The following PDE1A variants were observed in gnomAD, a reference collection of about 807,000 sequenced individuals.
PDE1A encodes dual specificity calcium/calmodulin-dependent 3',5'-cyclic nucleotide phosphodiesterase 1A.
Under a neutral mutation model 61.7 loss-of-function variants are expected in PDE1A, and 35 were observed. The observed-to-expected ratio is 0.57, with a 90% CI of 0.43 to 0.75. The LOEUF is 0.75. Ranked by LOEUF, PDE1A falls within the 30% of genes least tolerant of loss-of-function variation. The pLI is 0.00. For synonymous variants in PDE1A, 232 were observed against 213.2 expected (o/e 1.09, Z -0.77); for missense variants, 597 against 630.6 (o/e 0.95, Z 0.57).
At chr2:182,354,674 G>T (rs1216034998) in intron 1 of PDE1A, among the ~76,000 whole-genome samples, 1 of 152,100 alleles carries the variant, frequency 6.6e-6, no homozygotes, top group Non-Finnish European at 1.5e-5. Context: ...GTTTTTGATG[G>T]ATAAAGGGGA....
chr2:182,173,497 G>T (rs1692432058), intron 13 of PDE1A, among the ~76,000 whole-genome samples: 1 of 151,790 alleles, frequency 6.6e-6, no homozygotes, highest in Non-Finnish European at 1.5e-5. Context: ...TATAGAACAT[G>T]ATCTGAAGAC....
chr2:182,658,072 A>AAG, the PDE1A span, among the ~76,000 whole-genome samples: 1 of 68,170 alleles, frequency 1.5e-5, no homozygotes, highest in Non-Finnish European at 3.6e-5. Context: ...AAAAAAAAAA[A>AAG]CAAAAAAACT....
In PDE1A at chr2:182,185,874, C is replaced by T. The variant is rs1161402022; in HGVS notation, c.1516+18G>A. ...AAGACAGAGAGAGATGGCAGTAAGGCCTCATAAACAACACTACCTTGTGCA... is the reference window on the plus strand; with the variant it reads ...AAGACAGAGAGAGATGGCAGTAAGGTCTCATAAACAACACTACCTTGTGCA... On this transcript the variant is annotated intron_variant, in intron 13 of 13. Transcript: ENST00000351439. 2 of 1,613,326 alleles carry T rather than the reference C, an allele frequency of 1.2e-6. No individual in the cohort carries two copies. Among genetic ancestry groups the T allele is most frequent in the South Asian group, 2.2e-5 (2 of 91,070 alleles).
the PDE1A span, among the ~76,000 whole-genome samples, chr2:182,608,644 G>T: frequency 1.3e-5 from 2 of 152,220 alleles, no homozygotes; most frequent in East Asian, 3.9e-4. Flanking sequence ...CTCCCCACAG[G>T]GCAGGGCTCG....
rs531280840 is a variant in PDE1A, at chr2:182,398,300, C to T, written c.53+28278G>A. On this transcript the variant is annotated intron_variant, in intron 1 of 13. Transcript: ENST00000351439. ...CATGAATTACAACGCAAACTGTCAA[C>T]GTTAAATATACAACTACTGATCTCT... is the stretch of plus-strand genomic sequence containing the variant. 1.1e-4 allele frequency among the ~76,000 whole-genome samples: 17 copies of T among 151,682 alleles called. No individual in the cohort carries two copies. In the South Asian group the frequency reaches 2.1e-3, roughly 19 times the overall value.
intron 13 of PDE1A, among the ~76,000 whole-genome samples, chr2:182,173,140 G>C (rs531793703): frequency 9.9e-5 from 15 of 151,962 alleles, no homozygotes; most frequent in Non-Finnish European, 1.6e-4. Context: ...GGTATTTCCT[G>C]CTCTTCCCCT....
At chr2:182,290,890 A>T (rs566013666) in intron 1 of PDE1A, among the ~76,000 whole-genome samples, 1 of 151,728 alleles carries the variant, frequency 6.6e-6, no homozygotes, top group Non-Finnish European at 1.5e-5. Context: ...CTTTCCCCCA[A>T]ATCTGCTCTT....
At chr2:182,292,070 C>T (rs982475954) in intron 1 of PDE1A, among the ~76,000 whole-genome samples, 1 of 151,906 alleles carries the variant, frequency 6.6e-6, no homozygotes, top group African/African-American at 2.4e-5. Context: ...GTATTGCCAA[C>T]TTGGAAATAA....
At chr2:182,386,611 G>A (rs1701107416) in intron 1 of PDE1A, among the ~76,000 whole-genome samples, 1 of 150,310 alleles carries the variant, frequency 6.7e-6, no homozygotes, top group Admixed American at 6.6e-5. Flanking sequence ...CCGCCCAGCA[G>A]CCGCCCCATC....
At chr2:182,432,681 G>A (rs946209363) in intron 2 of PDE1A, among the ~76,000 whole-genome samples, 2 of 151,982 alleles carry the variant, frequency 1.3e-5, no homozygotes, top group Non-Finnish European at 2.9e-5. Context: ...TGTTAAATGT[G>A]TAATCTTTCA....
chr2:182,655,616 G>A, the PDE1A span, among the ~76,000 whole-genome samples: 3 of 152,168 alleles, frequency 2.0e-5, no homozygotes, highest in Admixed American at 6.5e-5. Context: ...AATGAGAGAA[G>A]GAAGGAAAAC....
At chr2:182,334,972 T>A (rs1697691481) in intron 1 of PDE1A, among the ~76,000 whole-genome samples, 1 of 152,142 alleles carries the variant, frequency 6.6e-6, no homozygotes, top group Admixed American at 6.5e-5. Context: ...AGCATTCCTA[T>A]ACACAAATAA....
intron 1 of PDE1A, among the ~76,000 whole-genome samples, chr2:182,293,355 A>T (rs1438068): frequency 0.28 from 41,785 of 151,760 alleles, 5,814 homozygotes; most frequent in Middle Eastern, 0.39. Context: ...CTTTGATTTT[A>T]AAAAAAATCT....
the PDE1A span, among the ~76,000 whole-genome samples, chr2:182,588,093 G>A: frequency 6.6e-6 from 1 of 152,180 alleles, no homozygotes; most frequent in Non-Finnish European, 1.5e-5. Context: ...TGGTAGCATT[G>A]CTTTGCAATT....
At chr2:182,346,820 A>G (rs992048702) in intron 1 of PDE1A, among the ~76,000 whole-genome samples, 2 of 152,174 alleles carry the variant, frequency 1.3e-5, no homozygotes, top group Non-Finnish European at 2.9e-5. Context: ...CAATCCTATG[A>G]TCACTCAGAG....
intron 1 of PDE1A, among the ~76,000 whole-genome samples, chr2:182,398,806 T>C (rs1365351976): frequency 6.6e-6 from 1 of 152,110 alleles, no homozygotes; most frequent in South Asian, 2.1e-4. Context: ...GTAGATACTT[T>C]ACTTTTAGAA....
At chr2:182,419,375 G>A (rs190767247) in intron 1 of PDE1A, among the ~76,000 whole-genome samples, 2,315 of 135,142 alleles carry the variant, frequency 0.017, 13 homozygotes, top group Middle Eastern at 0.061. Flanking sequence ...TCACTCTGTC[G>A]CCCAGGCTGG....
chr2:182,569,621 A>G, the PDE1A span, among the ~76,000 whole-genome samples: 1 of 152,238 alleles, frequency 6.6e-6, no homozygotes, highest in Non-Finnish European at 1.5e-5. Context: ...TGGCAAAAGC[A>G]GATTACTTTG....
At chr2:182,685,663 C>T in the PDE1A span, among the ~76,000 whole-genome samples, 1 of 152,188 alleles carries the variant, frequency 6.6e-6, no homozygotes, top group Admixed American at 6.5e-5. Flanking sequence ...CTCCTGTCTG[C>T]ACTCTGTCTG....
Sources: gnomAD v4.1 joint callset for allele counts (sites outside exome capture counted in the v4.1 genomes callset) on GRCh38, gnomAD v4.1.1 for gene constraint, MANE v1.5 for transcripts, NCBI Gene and HGNC (gene_info 2026-07-23, HGNC 2026-07-21) for gene names.